DNM3: variants seen among roughly 807,000 people sequenced by gnomAD.
The protein encoded by DNM3 is dynamin-3.
Under a neutral mutation model 101.6 loss-of-function variants are expected in DNM3, and 47 were observed. That is an observed-to-expected ratio of 0.46 (90% CI 0.37 to 0.59). DNM3 has a LOEUF of 0.59. Ranked by LOEUF, DNM3 falls within the 20% of genes least tolerant of loss-of-function variation. The probability of loss-of-function intolerance (pLI) is 0.00; values close to 1 mark genes in which losing one functional copy is unlikely to be tolerated. For synonymous variants in DNM3, 385 were observed against 387.9 expected (o/e 0.99, Z 0.09); for missense variants, 849 against 1,085.7 (o/e 0.78, Z 3.06).
intron 2 of DNM3, among the ~76,000 whole-genome samples, chr1:171,943,114 A>AAAAAAT (rs1261918124): frequency 6.6e-6 from 1 of 152,082 alleles, no homozygotes; most frequent in Non-Finnish European, 1.5e-5. Flanking sequence ...CTGTCTCAAA[A>AAAAAAT]AAAAATAAAA....
At chr1:171,969,840 T>A (rs2043859429) in intron 2 of DNM3, among the ~76,000 whole-genome samples, 1 of 152,084 alleles carries the variant, frequency 6.6e-6, no homozygotes, top group Non-Finnish European at 1.5e-5. Context: ...GGTGACACTA[T>A]CCCCATTTTA....
At chr1:172,171,892 G>C (rs1471675441) in intron 14 of DNM3, among the ~76,000 whole-genome samples, 1 of 151,682 alleles carries the variant, frequency 6.6e-6, no homozygotes, top group Non-Finnish European at 1.5e-5. Context: ...ATTGCAGAGG[G>C]AAGCTGAGAA....
intron 17 of DNM3, among the ~76,000 whole-genome samples, chr1:172,337,794 A>G (rs2066492986): frequency 6.6e-6 from 1 of 151,994 alleles, no homozygotes; most frequent in African/African-American, 2.4e-5. Context: ...GGCTAATCCC[A>G]AGTCTTCTGA....
rs979402556 is a variant in DNM3, at chr1:172,386,875, G to T, written c.2059-258G>T. 54 of 424,644 alleles carry T rather than the reference G, an allele frequency of 1.3e-4. 1 individual carries two copies. Among genetic ancestry groups the T allele is most frequent in the South Asian group, 1.3e-3 (50 of 39,468 alleles). 26.3% of individuals were successfully genotyped at this position (424,644 alleles called of 1,614,324 possible). ...GCAGGCCCTGTTCTGGTGATGGCTG[G>T]GTTTGGCCTTCTTCTACTCATCTCT... On this transcript the variant is annotated intron_variant, in intron 18 of 20. Transcript: ENST00000627582.
At chr1:172,225,547 C>T (rs2061083592) in intron 14 of DNM3, among the ~76,000 whole-genome samples, 1 of 150,772 alleles carries the variant, frequency 6.6e-6, no homozygotes, top group African/African-American at 2.5e-5. Flanking sequence ...CTATTCTCAA[C>T]TCTTTAGTAA....
chr1:172,065,032 G>A (rs991986926), intron 10 of DNM3, among the ~76,000 whole-genome samples: 1 of 152,270 alleles, frequency 6.6e-6, no homozygotes, highest in East Asian at 1.9e-4. Context: ...AGACACACAC[G>A]TGCACACAAA....
chr1:172,395,793 A>T (rs1308893572), intron 20 of DNM3, among the ~76,000 whole-genome samples: 5 of 152,244 alleles, frequency 3.3e-5, no homozygotes, highest in African/African-American at 4.8e-5. Context: ...TAAGTTGCCA[A>T]ATTAAATCCA....
intron 4 of DNM3, among the ~76,000 whole-genome samples, chr1:171,997,635 A>T (rs2046089401): frequency 6.6e-6 from 1 of 151,896 alleles, no homozygotes; most frequent in Non-Finnish European, 1.5e-5. Flanking sequence ...CAATTCAGTC[A>T]CTCCCTTTGT....
intron 14 of DNM3, among the ~76,000 whole-genome samples, chr1:172,192,148 T>A (rs1443407641): frequency 1.3e-5 from 2 of 152,122 alleles, no homozygotes; most frequent in Admixed American, 6.6e-5. Context: ...AAATAGCTCT[T>A]ATTATTTTGA....
At chr1:171,904,747 G>T (rs2038670559) in intron 1 of DNM3, among the ~76,000 whole-genome samples, 1 of 152,114 alleles carries the variant, frequency 6.6e-6, no homozygotes, top group Non-Finnish European at 1.5e-5. Context: ...GTGGGTGTTG[G>T]GGATGACTGA....
At chr1:172,029,214 A>G (rs1198740811) in intron 4 of DNM3, among the ~76,000 whole-genome samples, 1 of 152,222 alleles carries the variant, frequency 6.6e-6, no homozygotes, top group African/African-American at 2.4e-5. Context: ...ATCCACCACA[A>G]TTAAGTTGGC....
At chr1:171,969,382 A>G (rs139621363) in intron 2 of DNM3, among the ~76,000 whole-genome samples, 117 of 152,288 alleles carry the variant, frequency 7.7e-4, no homozygotes, top group African/African-American at 2.6e-3. Context: ...AATCATAGTC[A>G]GGATGAAGTT....
At chr1:172,058,311 C>A (rs1264198404) in intron 10 of DNM3, among the ~76,000 whole-genome samples, 1 of 151,416 alleles carries the variant, frequency 6.6e-6, no homozygotes, top group Non-Finnish European at 1.5e-5. Context: ...ACAAGGATAC[C>A]CAGGAATTGA....
intron 13 of DNM3, among the ~76,000 whole-genome samples, chr1:172,121,913 T>C (rs2056346348): frequency 6.6e-6 from 1 of 152,224 alleles, no homozygotes; most frequent in Non-Finnish European, 1.5e-5. Context: ...CAGTTCCTTA[T>C]TTAAAACAGT....
At chr1:172,197,890 A>T (rs1239458931) in intron 14 of DNM3, among the ~76,000 whole-genome samples, 2 of 151,836 alleles carry the variant, frequency 1.3e-5, no homozygotes, top group Non-Finnish European at 2.9e-5. Flanking sequence ...TTGTATTTGG[A>T]TGCGCTTTTT....
At chr1:172,144,385 A>G in intron 14 of DNM3, 1 of 213,800 alleles carries the variant, frequency 4.7e-6, no homozygotes, top group Non-Finnish European at 9.9e-6. Flanking sequence ...TCCCTTCGGC[A>G]GTCTTTTCTC....
chr1:172,353,480 A>G (rs17277918), intron 17 of DNM3, among the ~76,000 whole-genome samples: 23,014 of 152,120 alleles, frequency 0.15, 2,138 homozygotes, highest in Non-Finnish European at 0.21. Flanking sequence ...GAAAACAAGT[A>G]AAAATATATA....
At chr1:172,164,762 C>A (rs1485060098) in intron 14 of DNM3, among the ~76,000 whole-genome samples, 2 of 152,032 alleles carry the variant, frequency 1.3e-5, no homozygotes, top group East Asian at 3.9e-4. Flanking sequence ...CCCAATCTAC[C>A]AAACCATAGC....
intron 4 of DNM3, among the ~76,000 whole-genome samples, chr1:171,997,301 C>T (rs1470115290): frequency 1.3e-5 from 2 of 152,012 alleles, no homozygotes; most frequent in Non-Finnish European, 2.9e-5. Flanking sequence ...ATGTGTTATG[C>T]AATAAGCATA....
Sources: allele counts gnomAD v4.1 joint callset (sites outside exome capture counted in the v4.1 genomes callset), GRCh38; gene constraint gnomAD v4.1.1; transcripts MANE v1.5; gene names NCBI Gene and HGNC (gene_info 2026-07-23, HGNC 2026-07-21).